The following TASP1 variants were observed in gnomAD, a reference collection of about 807,000 sequenced individuals.
TASP1 encodes threonine aspartase 1.
A neutral mutation model predicts 56.6 loss-of-function variants in TASP1; 16 were observed. The observed-to-expected ratio is 0.28, with a 90% confidence interval of 0.19 to 0.43. The LOEUF (loss-of-function observed/expected upper bound fraction) is 0.43. Among genes scored for constraint, TASP1 ranks in the 20% least tolerant of loss-of-function variants. The pLI, the probability that TASP1 is intolerant of heterozygous loss-of-function variation, is 1.00. For synonymous variants in TASP1, 179 were observed against 184.2 expected, an observed-to-expected ratio of 0.97 and a Z score of 0.23; for missense variants, 393 against 511.6, an observed-to-expected ratio of 0.77 and a Z score of 2.24.
At chr20:13,306,476 T>G in the TASP1 span, among the ~76,000 whole-genome samples, 1 of 147,060 alleles carries the variant, frequency 6.8e-6, no homozygotes, top group East Asian at 2.1e-4. Flanking sequence ...TTTATTTCCC[T>G]CTCTACCAGA....
chr20:13,561,025 C>T (rs1431374751), intron 7 of TASP1, among the ~76,000 whole-genome samples: 1 of 152,170 alleles, frequency 6.6e-6, no homozygotes, highest in African/African-American at 2.4e-5. Context: ...TCATCAGAAA[C>T]TTTGGAAGCC....
the TASP1 span, chr20:13,221,629 C>A: frequency 1.3e-5 from 7 of 535,976 alleles, no homozygotes; most frequent in Admixed American, 2.2e-4. Context: ...CCAGCGCCAG[C>A]CCCGCGGGCC....
the TASP1 span, among the ~76,000 whole-genome samples, chr20:13,319,709 T>C: frequency 2.6e-5 from 4 of 152,212 alleles, no homozygotes; most frequent in African/African-American, 9.6e-5. Context: ...GGAAAATGTT[T>C]GTATCTATTT....
chr20:13,265,329 G>T, the TASP1 span, among the ~76,000 whole-genome samples: 18 of 152,210 alleles, frequency 1.2e-4, no homozygotes, highest in East Asian at 3.5e-3. Flanking sequence ...ATACCAATTT[G>T]CAAAGGAAGG....
At chr20:13,250,499 CA>C in the TASP1 span, among the ~76,000 whole-genome samples, 2 of 152,154 alleles carry the variant, frequency 1.3e-5, no homozygotes, top group Non-Finnish European at 2.9e-5. Flanking sequence ...ACCATGGCAA[CA>C]CAGTTAAGCA....
intron 11 of TASP1, among the ~76,000 whole-genome samples, chr20:13,472,328 T>C (rs2044538319): frequency 6.6e-6 from 1 of 150,938 alleles, no homozygotes; most frequent in Non-Finnish European, 1.5e-5. Flanking sequence ...TATACAAAAA[T>C]TAATTTGAGA....
chr20:13,188,063 T>G, the TASP1 span, among the ~76,000 whole-genome samples: 2 of 152,110 alleles, frequency 1.3e-5, no homozygotes, highest in African/African-American at 4.8e-5. Flanking sequence ...CCTATTTCCT[T>G]TTGCCACGTG....
At chr20:13,136,720 A>G in the TASP1 span, among the ~76,000 whole-genome samples, 1 of 147,704 alleles carries the variant, frequency 6.8e-6, no homozygotes. Flanking sequence ...TATATATAAT[A>G]TATAAATAAA....
chr20:13,323,339 G>A, the TASP1 span, among the ~76,000 whole-genome samples: 128 of 152,306 alleles, frequency 8.4e-4, 5 homozygotes, highest in South Asian at 0.022. Context: ...GACTCAGGCG[G>A]AGCAAGGCAA....
At chr20:13,632,566 A>G (rs964253839) in intron 1 of TASP1, among the ~76,000 whole-genome samples, 4 of 152,152 alleles carry the variant, frequency 2.6e-5, no homozygotes, top group Non-Finnish European at 4.4e-5. Flanking sequence ...ACTCTCCCTC[A>G]GAGACTATCT....
intron 12 of TASP1, among the ~76,000 whole-genome samples, chr20:13,431,382 C>T (rs530447679): frequency 1.3e-5 from 2 of 152,144 alleles, no homozygotes; most frequent in African/African-American, 2.4e-5. Flanking sequence ...TCCCCTTTTA[C>T]AGGCAGAGGT....
the TASP1 span, among the ~76,000 whole-genome samples, chr20:13,245,625 C>G: frequency 6.6e-5 from 10 of 152,174 alleles, no homozygotes; most frequent in Admixed American, 2.6e-4. Flanking sequence ...GTGATAGTTC[C>G]CCTGCACACT....
the TASP1 span, among the ~76,000 whole-genome samples, chr20:13,177,759 A>G: frequency 6.6e-5 from 10 of 152,212 alleles, no homozygotes; most frequent in African/African-American, 2.2e-4. Context: ...AAAAAAATCA[A>G]TTCAGAATTA....
chr20:13,638,221 TAAAG>T (rs1003500960), intron 1 of TASP1, among the ~76,000 whole-genome samples: 6 of 152,148 alleles, frequency 3.9e-5, no homozygotes, highest in Admixed American at 6.5e-5. Flanking sequence ...CCTTCGCTAA[TAAAG>T]AATAATAATA....
At chr20:13,580,438 C>A (rs2047079301) in intron 6 of TASP1, among the ~76,000 whole-genome samples, 1 of 151,942 alleles carries the variant, frequency 6.6e-6, no homozygotes, top group Non-Finnish European at 1.5e-5. Context: ...CAGAGTGAGA[C>A]CCTGTCTCAA....
the TASP1 span, among the ~76,000 whole-genome samples, chr20:13,259,293 A>AG: frequency 1.3e-5 from 2 of 151,438 alleles, no homozygotes; most frequent in South Asian, 2.1e-4. Context: ...AAAAAAAAAA[A>AG]CAAAAACAAA....
chr20:13,178,589 A>G, the TASP1 span, among the ~76,000 whole-genome samples: 2 of 152,174 alleles, frequency 1.3e-5, no homozygotes, highest in Non-Finnish European at 1.5e-5. Context: ...AAATCCTGTC[A>G]TTTGGGGCAA....
the TASP1 span, among the ~76,000 whole-genome samples, chr20:13,305,199 T>TA: frequency 7.6e-3 from 1,051 of 137,464 alleles, 8 homozygotes; most frequent in African/African-American, 0.017. Context: ...GTTGAGTTGT[T>TA]AAAAAAAAAA....
chr20:13,479,702 C>G (rs2043068646), intron 11 of TASP1, among the ~76,000 whole-genome samples: 1 of 152,112 alleles, frequency 6.6e-6, no homozygotes, highest in African/African-American at 2.4e-5. Context: ...ACCATGTTGG[C>G]CAGGTTGATC....
Sources: gnomAD v4.1 joint callset for allele counts (sites outside exome capture counted in the v4.1 genomes callset) on GRCh38, gnomAD v4.1.1 for gene constraint, MANE v1.5 for transcripts, NCBI Gene and HGNC (gene_info 2026-07-23, HGNC 2026-07-21) for gene names.